The following GRID1 variants were observed in gnomAD, a reference collection of about 807,000 sequenced individuals.
GRID1 encodes the protein glutamate receptor ionotropic, delta-1.
In GRID1, 28 loss-of-function variants were observed where a neutral mutation model predicts 98.0. The observed-to-expected ratio is 0.29, with a 90% CI of 0.21 to 0.39. The LOEUF (loss-of-function observed/expected upper bound fraction) is 0.39. Ranked by LOEUF, GRID1 falls within the 10% of genes least tolerant of loss-of-function variation. The pLI is 1.00. For synonymous variants in GRID1, 553 were observed against 538.5 expected (o/e 1.03, Z -0.37); for missense variants, 1,111 against 1,340.5 (o/e 0.83, Z 2.67).
chr10:86,154,807 GC>G (rs1022258571), intron 3 of GRID1, among the ~76,000 whole-genome samples: 1 of 152,180 alleles, frequency 6.6e-6, no homozygotes, highest in African/African-American at 2.4e-5. Context: ...CTGGGCAAGA[GC>G]ACACACCTCT....
At chr10:86,231,794 T>C (rs1352130209) in intron 2 of GRID1, among the ~76,000 whole-genome samples, 6 of 152,164 alleles carry the variant, frequency 3.9e-5, no homozygotes, top group African/African-American at 1.2e-4. Context: ...GGAGACGCAG[T>C]GTCTTCAGTT....
intron 2 of GRID1, among the ~76,000 whole-genome samples, chr10:86,315,499 T>C (rs1281074349): frequency 6.6e-6 from 1 of 152,202 alleles, no homozygotes; most frequent in Non-Finnish European, 1.5e-5. Context: ...TACTACAGCC[T>C]CTGAGTCACA....
intron 4 of GRID1, among the ~76,000 whole-genome samples, chr10:85,979,435 ATC>A (rs968870502): frequency 6.6e-6 from 1 of 152,140 alleles, no homozygotes; most frequent in African/African-American, 2.4e-5. Flanking sequence ...GAGGATGGAA[ATC>A]TGAGATTAAG....
At chr10:85,672,409 G>A (rs1301929360) in intron 12 of GRID1, among the ~76,000 whole-genome samples, 7 of 152,166 alleles carry the variant, frequency 4.6e-5, no homozygotes, top group Admixed American at 6.5e-5. Context: ...CCGGGTTCAA[G>A]CGATTCTCCT....
intron 4 of GRID1, among the ~76,000 whole-genome samples, chr10:86,013,916 C>T (rs1419569005): frequency 6.6e-6 from 1 of 152,186 alleles, no homozygotes; most frequent in African/African-American, 2.4e-5. Context: ...ATGTACTCTG[C>T]AGAAGAAAAA....
chr10:86,231,805 A>G (rs1589419953), intron 2 of GRID1, among the ~76,000 whole-genome samples: 1 of 152,102 alleles, frequency 6.6e-6, no homozygotes, highest in Admixed American at 6.5e-5. Context: ...GTCTTCAGTT[A>G]CTCATCAGCA....
chr10:85,650,290 G>A (rs879679812), intron 12 of GRID1: 2 of 152,210 alleles, frequency 1.3e-5, no homozygotes, highest in African/African-American at 4.8e-5. Flanking sequence ...GCTTCACCAG[G>A]AGGAGGCTGT....
intron 4 of GRID1, among the ~76,000 whole-genome samples, chr10:86,092,455 C>A (rs1257022227): frequency 6.6e-6 from 1 of 152,106 alleles, no homozygotes; most frequent in Non-Finnish European, 1.5e-5. Flanking sequence ...AAAATATGAA[C>A]AAAGCTGCCA....
intron 8 of GRID1, among the ~76,000 whole-genome samples, chr10:85,791,476 C>T (rs555481791): frequency 3.2e-4 from 48 of 152,266 alleles, no homozygotes; most frequent in African/African-American, 1.1e-3. Flanking sequence ...AAGCCAAGGA[C>T]GGCCCCAGCA....
chr10:85,671,352 T>C (rs559055477), intron 12 of GRID1, among the ~76,000 whole-genome samples: 1 of 152,370 alleles, frequency 6.6e-6, no homozygotes, highest in South Asian at 2.1e-4. Flanking sequence ...ATTTTGGTAA[T>C]TCTCACAATA....
chr10:86,316,267 C>T (rs1847897054), intron 2 of GRID1, among the ~76,000 whole-genome samples: 1 of 152,236 alleles, frequency 6.6e-6, no homozygotes, highest in African/African-American at 2.4e-5. Flanking sequence ...ACATTCTGCA[C>T]ATTTGGCCAG....
chr10:85,775,078 A>G (rs990137615), intron 8 of GRID1, among the ~76,000 whole-genome samples: 1 of 152,180 alleles, frequency 6.6e-6, no homozygotes, highest in East Asian at 1.9e-4. Flanking sequence ...AACCAACCCA[A>G]ATGTCCATCA....
intron 4 of GRID1, among the ~76,000 whole-genome samples, chr10:86,051,404 A>G (rs1166210463): frequency 6.6e-6 from 1 of 151,948 alleles, no homozygotes; most frequent in Non-Finnish European, 1.5e-5. Flanking sequence ...AATATTTTAT[A>G]ACTTTGTACT....
chr10:85,707,586 C>A (rs796842005), intron 12 of GRID1, among the ~76,000 whole-genome samples: 1 of 152,158 alleles, frequency 6.6e-6, no homozygotes, highest in South Asian at 2.1e-4. Context: ...CTAGAAGTAC[C>A]ATTTGACCCA....
chr10:86,028,059 G>A (rs1843137850), intron 4 of GRID1, among the ~76,000 whole-genome samples: 1 of 152,184 alleles, frequency 6.6e-6, no homozygotes, highest in Non-Finnish European at 1.5e-5. Context: ...TCAAAGATGT[G>A]AGGGGACTCT....
chr10:85,667,101 A>G (rs1448597044), intron 12 of GRID1, among the ~76,000 whole-genome samples: 1 of 152,236 alleles, frequency 6.6e-6, no homozygotes, highest in Non-Finnish European at 1.5e-5. Flanking sequence ...AGGATCACTG[A>G]TAACAGCAAA....
intron 2 of GRID1, among the ~76,000 whole-genome samples, chr10:86,319,332 C>T (rs1004302476): frequency 6.6e-6 from 1 of 152,166 alleles, no homozygotes; most frequent in African/African-American, 2.4e-5. Context: ...AGTATGGAGA[C>T]CAGCCTGAAG....
chr10:86,018,127 T>C (rs926761818), intron 4 of GRID1, among the ~76,000 whole-genome samples: 3 of 152,224 alleles, frequency 2.0e-5, no homozygotes, highest in Admixed American at 1.3e-4. Flanking sequence ...ACAGTTCACA[T>C]CCAACAGGGC....
intron 2 of GRID1, among the ~76,000 whole-genome samples, chr10:86,220,789 A>G (rs552574637): frequency 1.3e-5 from 2 of 152,200 alleles, no homozygotes; most frequent in South Asian, 4.1e-4. Context: ...AACAGCCAGC[A>G]TGACAGCACA....
Sources: gnomAD v4.1 joint callset for allele counts (sites outside exome capture counted in the v4.1 genomes callset) on GRCh38, gnomAD v4.1.1 for gene constraint, MANE v1.5 for transcripts, NCBI Gene and HGNC (gene_info 2026-07-23, HGNC 2026-07-21) for gene names.